Variants in GPT2 observed in about 807,000 individuals in gnomAD.
GPT2 encodes the protein glutamic--pyruvic transaminase 2.
In GPT2, 30 loss-of-function variants were observed where a neutral mutation model predicts 56.9. The observed-to-expected ratio is 0.53, with a 90% confidence interval of 0.39 to 0.72. GPT2 has a LOEUF of 0.72. Among genes scored for constraint, GPT2 ranks in the 30% least tolerant of loss-of-function variants. The probability of loss-of-function intolerance (pLI) is 0.00; values close to 1 mark genes in which losing one functional copy is unlikely to be tolerated. For synonymous variants in GPT2, 271 were observed against 283.1 expected, an observed-to-expected ratio of 0.96 and a Z score of 0.43; for missense variants, 542 against 703.4, an observed-to-expected ratio of 0.77 and a Z score of 2.60.
intron 11 of GPT2, among the ~76,000 whole-genome samples, chr16:46,927,418 G>A (rs1236942212): frequency 6.6e-6 from 1 of 152,192 alleles, no homozygotes; most frequent in Non-Finnish European, 1.5e-5. Context: ...GTGCTTAGTA[G>A]CTCCTGGCAG....
At chr16:46,901,939 T>C (rs1960827527) in intron 4 of GPT2, among the ~76,000 whole-genome samples, 1 of 152,230 alleles carries the variant, frequency 6.6e-6, no homozygotes, top group South Asian at 2.1e-4. Flanking sequence ...AGGCCCGGCT[T>C]CCGGGCTCCT....
At chr16:46,912,947 C>T (rs1961072899) in intron 6 of GPT2, among the ~76,000 whole-genome samples, 1 of 152,226 alleles carries the variant, frequency 6.6e-6, no homozygotes, top group African/African-American at 2.4e-5. Context: ...TTCCCATCAG[C>T]TTTTGGGGAA....
intron 6 of GPT2, 28 bp downstream of exon 6, chr16:46,909,955 C>T (rs751701336): frequency 1.2e-5 from 19 of 1,566,996 alleles, no homozygotes; most frequent in African/African-American, 4.1e-5. Flanking sequence ...TCACCAGTTT[C>T]GTAGAGGGTG....
intron 8 of GPT2, among the ~76,000 whole-genome samples, chr16:46,919,037 TG>T (rs1414526966): frequency 6.6e-6 from 1 of 152,170 alleles, no homozygotes; most frequent in Non-Finnish European, 1.5e-5. Flanking sequence ...CTCTGTCACT[TG>T]TTCCGAGGTT....
In GPT2 at chr16:46,890,645, T is replaced by C. The variant is rs187250964; in HGVS notation, c.243+5687T>C. Among the ~76,000 whole-genome samples the C allele has an allele frequency of 7.2e-5, 11 of 152,264 alleles. No homozygotes were observed. In the East Asian group the frequency reaches 2.1e-3, roughly 29 times the overall value. On this transcript the variant is annotated intron_variant, in intron 2 of 11. Coordinates refer to ENST00000340124, the MANE Select transcript of GPT2 (RefSeq NM_133443.4). ...TTATTGAGGGGGAGACAAATATAAT[T>C]GACAAAGAAAAATTGTATATATTCA...
At position 46,930,817 on chromosome 16, in the gene GPT2, C is replaced by G. The variant is rs1045853489; in HGVS notation, c.*1820C>G. On this transcript the variant is annotated 3_prime_UTR_variant, in exon 12 of 12. Coordinates refer to ENST00000340124, the MANE Select transcript of GPT2 (RefSeq NM_133443.4). Reference sequence around the variant, plus strand: ...TAAACAGCCCCTAAAAACTTTACAACGTTTACACAGTTTTTTAAAAAGAGA... The same window carrying G: ...TAAACAGCCCCTAAAAACTTTACAAGGTTTACACAGTTTTTTAAAAAGAGA... 2 of 152,568 alleles carry G rather than the reference C, an allele frequency of 1.3e-5. No homozygotes were observed. Among genetic ancestry groups the G allele is most frequent in the Non-Finnish European group, 2.9e-5 (2 of 68,026 alleles). The allele number at this position is 152,568 out of a possible 1,614,324, so 9.5% of individuals were successfully genotyped here.
intron 5 of GPT2, among the ~76,000 whole-genome samples, 182 bp from the exon 6 acceptor site, chr16:46,909,502 A>G (rs1366402069): frequency 1.3e-5 from 2 of 152,026 alleles, no homozygotes; most frequent in Admixed American, 1.3e-4. Flanking sequence ...GAACTTTAGA[A>G]TGTTGTATTT....
rs748389819 is a variant in GPT2, at chr16:46,884,946, C to G, written c.231C>G (p.Leu77=). ...TGCTCAAGGCCGGCGAGATCGAGCT[C>G]GAGCTGCAGCGGGTGAGCGCGCGCT... The part of the protein sequence containing the change: ...PIVLKAGEIE[L]ELQRGIKKPF... The change falls in exon 2 of 12, where the codon CTC becomes CTG. Residue 77 remains leucine, a synonymous_variant. Coordinates refer to ENST00000340124, the MANE Select transcript of GPT2 (RefSeq NM_133443.4). 9 of 1,515,062 alleles carry G rather than the reference C, an allele frequency of 5.9e-6. No individual in the cohort carries two copies. The highest frequency in any genetic ancestry group is 2.1e-5 in the Admixed American group (1 of 46,970). The allele number at this position is 1,515,062 out of a possible 1,614,324, so 93.9% of individuals were successfully genotyped here.
At chr16:46,885,174 T>C (rs1207021115) in intron 2 of GPT2, 3 of 1,282,466 alleles carry the variant, frequency 2.3e-6, no homozygotes, top group Non-Finnish European at 2.9e-6. Context: ...GGTTCACTTG[T>C]TGAATTGAAT....
chr16:46,923,790 C>T (rs1039894847), intron 9 of GPT2: 2 of 181,920 alleles, frequency 1.1e-5, no homozygotes, highest in Non-Finnish European at 2.3e-5. Context: ...GGGTGGGGCG[C>T]GCTGGTCCCC....
chr16:46,900,721 C>G lies in GPT2; in HGVS notation c.373C>G (p.Pro125Ala), dbSNP rs1490955404. The change falls in exon 4 of 12, where the codon CCC becomes GCC. Residue 125 changes from proline to alanine, a missense_variant. Coordinates refer to ENST00000340124, the MANE Select transcript of GPT2 (RefSeq NM_133443.4). ...LCTYPNLLDS[P>A]SFPEDAKKRA... ...CACCTACCCAAACCTGCTGGACAGC[C>G]CCAGCTTCCCAGAAGATGCTAAGAA... The G allele has an allele frequency of 6.2e-7, 1 of 1,614,112 alleles. No individual in the cohort carries two copies. The highest frequency in any genetic ancestry group is 1.7e-5 in the Admixed American group (1 of 60,010).
intron 2 of GPT2, chr16:46,885,291 AAAG>A (rs1400031477): frequency 8.0e-5 from 84 of 1,044,516 alleles, no homozygotes; most frequent in Non-Finnish European, 9.6e-5. Context: ...GCGAATGAAG[AAAG>A]AAGCAATAGA....
intron 4 of GPT2, among the ~76,000 whole-genome samples, chr16:46,906,092 T>C (rs573994109): frequency 6.6e-6 from 1 of 152,174 alleles, no homozygotes; most frequent in Middle Eastern, 3.4e-3. Flanking sequence ...TTTTTATTTA[T>C]TTTTTTGAGA....
At chr16:46,893,011 C>T (rs1039589272) in intron 2 of GPT2, among the ~76,000 whole-genome samples, 8 of 152,134 alleles carry the variant, frequency 5.3e-5, no homozygotes, top group Admixed American at 3.3e-4. Context: ...ACATATAATA[C>T]GTAGTACATA....
At chr16:46,886,968 G>A (rs530598906) in intron 2 of GPT2, among the ~76,000 whole-genome samples, 4 of 152,244 alleles carry the variant, frequency 2.6e-5, no homozygotes, top group South Asian at 2.1e-4. Flanking sequence ...TCAGTTCCCC[G>A]GCTGTGGGTG....
chr16:46,896,257 C>T (rs1048846141), intron 2 of GPT2, among the ~76,000 whole-genome samples: 20 of 152,194 alleles, frequency 1.3e-4, no homozygotes, highest in South Asian at 1.2e-3. Flanking sequence ...AGGATTCCCA[C>T]GTTTCCAGGT....
At chr16:46,904,401 A>C (rs1960879938) in intron 4 of GPT2, among the ~76,000 whole-genome samples, 1 of 152,240 alleles carries the variant, frequency 6.6e-6, no homozygotes, top group Non-Finnish European at 1.5e-5. Flanking sequence ...ACAAAGTGAG[A>C]CCTTGTCTCT....
At chr16:46,902,661 GT>G (rs1960841295) in intron 4 of GPT2, among the ~76,000 whole-genome samples, 1 of 152,126 alleles carries the variant, frequency 6.6e-6, no homozygotes, top group African/African-American at 2.4e-5. Flanking sequence ...GTGTCACTCT[GT>G]TGCCCAGGCT....
At chr16:46,912,262 C>T (rs771917903) in intron 6 of GPT2, among the ~76,000 whole-genome samples, 15 of 152,182 alleles carry the variant, frequency 9.9e-5, no homozygotes, top group African/African-American at 1.9e-4. Context: ...TGAAGCAGTG[C>T]GCCTGAGTCA....
Sources: gnomAD v4.1 joint callset for allele counts (sites outside exome capture counted in the v4.1 genomes callset) on GRCh38, gnomAD v4.1.1 for gene constraint, MANE v1.5 for transcripts, NCBI Gene and HGNC (gene_info 2026-07-23, HGNC 2026-07-21) for gene names.